GK: variants seen among roughly 807,000 people sequenced by gnomAD.
The protein encoded by GK is glycerol kinase.
Under a neutral mutation model 56.4 loss-of-function variants are expected in GK, and 9 were observed. That is an observed-to-expected ratio of 0.16 (90% CI 0.10 to 0.28). The LOEUF is 0.28. Ranked by LOEUF, GK falls within the 10% of genes least tolerant of loss-of-function variation. The pLI, the probability that GK is intolerant of heterozygous loss-of-function variation, is 1.00. For synonymous variants in GK, 104 were observed against 144.1 expected, an observed-to-expected ratio of 0.72 and a Z score of 1.99; for missense variants, 161 against 431.4, an observed-to-expected ratio of 0.37 and a Z score of 5.55.
intron 13 of GK, among the ~76,000 whole-genome samples, chrX:30,713,007 T>C (rs1168822433): frequency 2.7e-5 from 3 of 111,611 alleles, no homozygotes; most frequent in Non-Finnish European, 1.9e-5. Context: ...GTGCTGGAAT[T>C]ACAGGCGTGA....
intron 3 of GK, among the ~76,000 whole-genome samples, chrX:30,676,412 G>A (rs1272192791): frequency 8.9e-6 from 1 of 112,276 alleles, no homozygotes. Context: ...AGATTCTAGA[G>A]AAGATTTGAG....
chrX:30,668,628 G>C (rs1933247122), intron 3 of GK, among the ~76,000 whole-genome samples: 1 of 112,081 alleles, frequency 8.9e-6, no homozygotes, highest in Admixed American at 9.5e-5. Context: ...GTGAGACTGG[G>C]TAGGGGGTTT....
At chrX:30,687,208 G>A (rs1449013185) in intron 4 of GK, among the ~76,000 whole-genome samples, 1 of 111,432 alleles carries the variant, frequency 9.0e-6, no homozygotes, top group Non-Finnish European at 1.9e-5. Context: ...GGTTGAATGA[G>A]TAGTCAGTTA....
intron 1 of GK, among the ~76,000 whole-genome samples, chrX:30,658,404 C>T (rs1932464110): frequency 9.0e-6 from 1 of 111,390 alleles, no homozygotes. Flanking sequence ...CACCCTCCGC[C>T]TCCCAGGTTC....
chrX:30,663,170 C>G (rs972658774), intron 1 of GK, among the ~76,000 whole-genome samples: 5 of 110,872 alleles, frequency 4.5e-5, no homozygotes, highest in Non-Finnish European at 9.4e-5. Flanking sequence ...CCACCGCGCC[C>G]GGCCAATACT....
chrX:30,726,227 A>G (rs1445670192), intron 19 of GK, among the ~76,000 whole-genome samples: 3 of 111,430 alleles, frequency 2.7e-5, no homozygotes, highest in Non-Finnish European at 5.7e-5. Flanking sequence ...TGAGAGTTTT[A>G]TATTTTAAAG....
chrX:30,686,076 A>AAAT (rs1934594577), intron 4 of GK, among the ~76,000 whole-genome samples: 1 of 112,706 alleles, frequency 8.9e-6, no homozygotes, highest in African/African-American at 3.2e-5. Flanking sequence ...CCCACACTCA[A>AAAT]GTCAGTCATT....
intron 4 of GK, among the ~76,000 whole-genome samples, chrX:30,680,774 T>C (rs750038069): frequency 9.0e-6 from 1 of 111,315 alleles, no homozygotes; most frequent in Admixed American, 9.6e-5. Context: ...TCCATAAAGA[T>C]AAGGAGGCAA....
At chrX:30,696,550 A>G in intron 7 of GK, 67 bp from the exon 8 acceptor site, 2 of 774,762 alleles carry the variant, frequency 2.6e-6, no homozygotes, top group South Asian at 2.2e-5. Flanking sequence ...TTGCATTTAA[A>G]TACATATAAA....
In GK at chrX:30,697,728, A is replaced by G; in HGVS notation, c.730-4A>G. On this transcript the variant is annotated splice_region_variant and splice_polypyrimidine_tract_variant and intron_variant, in intron 8 of 20. Coordinates refer to ENST00000427190, the MANE Select transcript of GK (RefSeq NM_001205019.2). ...TCCTTCTCTCTCCCCCTTGCTGACT[A>G]TAGAAAATCTCTCATAGCGTGGTGA... The G allele has an allele frequency of 1.7e-6, 2 of 1,161,466 alleles. No homozygotes were observed. The highest frequency in any genetic ancestry group is 1.8e-5 in the South Asian group (1 of 55,689).
At chrX:30,692,534 A>AATGGT (rs1935005495) in intron 5 of GK, among the ~76,000 whole-genome samples, 1 of 109,081 alleles carries the variant, frequency 9.2e-6, no homozygotes, top group Non-Finnish European at 1.9e-5. Flanking sequence ...GCTGGAGTGC[A>AATGGT]GTGGCACAAT....
chrX:30,727,227 A>G (rs1329790326), intron 19 of GK, among the ~76,000 whole-genome samples: 1 of 112,486 alleles, frequency 8.9e-6, no homozygotes, highest in Admixed American at 9.4e-5. Context: ...GTTAGTCTAT[A>G]TGTATTATGT....
intron 11 of GK, among the ~76,000 whole-genome samples, chrX:30,704,265 G>A (rs910743533): frequency 6.6e-5 from 7 of 105,366 alleles, no homozygotes; most frequent in Non-Finnish European, 1.2e-4. Context: ...CTGAGTAGCT[G>A]ATACTACAGG....
At chrX:30,685,546 A>T (rs1396973020) in intron 4 of GK, among the ~76,000 whole-genome samples, 1 of 112,196 alleles carries the variant, frequency 8.9e-6, no homozygotes, top group African/African-American at 3.2e-5. Flanking sequence ...AAATTCCATT[A>T]TTACAGGATT....
intron 13 of GK, among the ~76,000 whole-genome samples, chrX:30,716,320 A>T (rs1936620954): frequency 9.0e-6 from 1 of 111,549 alleles, no homozygotes; most frequent in African/African-American, 3.3e-5. Flanking sequence ...TTTCTTTTTC[A>T]ATTAGGTCTA....
At chrX:30,718,715 A>T in intron 14 of GK, 99 bp downstream of exon 14, 1 of 540,287 alleles carries the variant, frequency 1.9e-6, no homozygotes, top group Non-Finnish European at 3.3e-6. Flanking sequence ...CCCAAATGTG[A>T]TCCATAAATT....
chrX:30,663,795 C>T (rs1466381357), intron 1 of GK, among the ~76,000 whole-genome samples: 4 of 106,862 alleles, frequency 3.7e-5, no homozygotes, highest in African/African-American at 1.4e-4. Flanking sequence ...GAAGTGACTT[C>T]GCTGCTGTAA....
At chrX:30,659,993 C>T (rs1207874313) in intron 1 of GK, among the ~76,000 whole-genome samples, 1 of 111,853 alleles carries the variant, frequency 8.9e-6, no homozygotes, top group Non-Finnish European at 1.9e-5. Flanking sequence ...AGGTGATCCA[C>T]CCACCTCGGC....
intron 9 of GK, 170 bp from the exon 10 acceptor site, chrX:30,700,244 G>T: frequency 2.4e-6 from 1 of 419,363 alleles, no homozygotes; most frequent in Non-Finnish European, 4.2e-6. Flanking sequence ...GTCATTCTAG[G>T]AATACTTGTA....
Sources: gnomAD v4.1 joint callset for allele counts (sites outside exome capture counted in the v4.1 genomes callset) on GRCh38, gnomAD v4.1.1 for gene constraint, MANE v1.5 for transcripts, NCBI Gene and HGNC (gene_info 2026-07-23, HGNC 2026-07-21) for gene names.